Variants in GPHN observed in about 807,000 individuals in gnomAD.
GPHN encodes the protein gephyrin.
Under a neutral mutation model 95.5 loss-of-function variants are expected in GPHN, and 17 were observed. The ratio of observed to expected loss-of-function variants is 0.18; its 90% CI spans 0.12 to 0.27. GPHN has a LOEUF of 0.27. Ranked by LOEUF, GPHN falls within the 10% of genes least tolerant of loss-of-function variation. The pLI, the probability that GPHN is intolerant of heterozygous loss-of-function variation, is 1.00. For missense variants in GPHN, 660 were observed against 978.1 expected (o/e 0.67, Z 4.34); for synonymous variants, 320 against 322.5 (o/e 0.99, Z 0.08).
At chr14:66,593,743 C>A (rs1314090800) in intron 1 of GPHN, among the ~76,000 whole-genome samples, 1 of 152,122 alleles carries the variant, frequency 6.6e-6, no homozygotes, top group Non-Finnish European at 1.5e-5. Context: ...AAGTTGAAGG[C>A]CTTTTTCCTA....
chr14:66,998,584 C>G (rs1215015914), intron 9 of GPHN, among the ~76,000 whole-genome samples: 2 of 152,028 alleles, frequency 1.3e-5, no homozygotes, highest in African/African-American at 4.8e-5. Flanking sequence ...TATTTTATAG[C>G]ATCACTATGG....
At chr14:67,038,153 A>G (rs1486458500) in intron 10 of GPHN, among the ~76,000 whole-genome samples, 2 of 152,156 alleles carry the variant, frequency 1.3e-5, no homozygotes, top group East Asian at 1.9e-4. Context: ...GTCATATGCT[A>G]CAACATGGAT....
intron 3 of GPHN, among the ~76,000 whole-genome samples, chr14:66,784,635 C>T (rs2059710419): frequency 6.6e-6 from 1 of 152,070 alleles, no homozygotes; most frequent in Non-Finnish European, 1.5e-5. Context: ...CTGTATTTCA[C>T]TTGGAATGAT....
intron 1 of GPHN, among the ~76,000 whole-genome samples, chr14:66,573,603 C>G (rs1025160905): frequency 1.3e-5 from 2 of 152,018 alleles, no homozygotes; most frequent in Non-Finnish European, 2.9e-5. Context: ...CAGGCAGGCG[C>G]CTGCCACCAC....
At chr14:67,276,788 G>C in the GPHN span, among the ~76,000 whole-genome samples, 1 of 152,154 alleles carries the variant, frequency 6.6e-6, no homozygotes, top group Non-Finnish European at 1.5e-5. Context: ...AAGTATGATA[G>C]TAAATAGTAC....
At chr14:66,880,690 G>T (rs937443017) in intron 5 of GPHN, among the ~76,000 whole-genome samples, 1 of 151,274 alleles carries the variant, frequency 6.6e-6, no homozygotes, top group Admixed American at 6.6e-5. Context: ...TTGGCAACTG[G>T]GTATATTTTA....
the GPHN span, among the ~76,000 whole-genome samples, chr14:67,212,239 A>G: frequency 6.6e-6 from 1 of 152,142 alleles, no homozygotes; most frequent in African/African-American, 2.4e-5. Flanking sequence ...CATTATTGTC[A>G]CTAATAATTC....
chr14:66,664,090 G>C (rs988655641), intron 1 of GPHN, among the ~76,000 whole-genome samples: 1 of 152,100 alleles, frequency 6.6e-6, no homozygotes, highest in African/African-American at 2.4e-5. Flanking sequence ...AATTAACAAA[G>C]ATATTCAGGA....
intron 8 of GPHN, among the ~76,000 whole-genome samples, chr14:66,962,769 TTTC>T (rs1286086946): frequency 5.9e-5 from 9 of 151,988 alleles, no homozygotes; most frequent in Non-Finnish European, 1.5e-5. Context: ...ATCTTGCAAC[TTTC>T]TTCTTTTTTC....
At chr14:67,722,635 T>G in the GPHN span, 1 of 1,613,408 alleles carries the variant, frequency 6.2e-7, no homozygotes, top group Non-Finnish European at 8.5e-7. Flanking sequence ...GCTACAGAAG[T>G]TGGAACGATG....
intron 2 of GPHN, among the ~76,000 whole-genome samples, chr14:66,699,375 GAA>G (rs1189704616): frequency 2.0e-5 from 3 of 151,418 alleles, no homozygotes; most frequent in African/African-American, 4.8e-5. Context: ...ATAAATAAAA[GAA>G]AATAATTTAA....
At position 67,129,754 on chromosome 14, in the gene GPHN, A is replaced by T. The variant is rs549631182; in HGVS notation, c.1748+7377A>T. Among the ~76,000 whole-genome samples the T allele has an allele frequency of 3.4e-4, 48 of 140,598 alleles. No homozygotes were observed. In the South Asian group the frequency reaches 9.5e-3, roughly 28 times the overall value. The allele number at this position is 140,598 out of a possible 152,430, so 92.2% of individuals were successfully genotyped here. ...AGATGATAGGTTGGCAGCATCATTG[A>T]CTAGAAAGAAAGAAAGAAAGAGAGA... On this transcript the variant is annotated intron_variant, in intron 17 of 22. Coordinates refer to ENST00000478722, the MANE Select transcript of GPHN (RefSeq NM_020806.5).
At chr14:67,179,781 T>C in intron 22 of GPHN, 107 bp downstream of exon 22, 1 of 724,712 alleles carries the variant, frequency 1.4e-6, no homozygotes, top group Non-Finnish European at 2.5e-6. Context: ...ATTATACATT[T>C]TTCTTTTTGA....
intron 1 of GPHN, among the ~76,000 whole-genome samples, chr14:66,608,303 C>T (rs186403220): frequency 6.3e-4 from 95 of 151,916 alleles, no homozygotes; most frequent in African/African-American, 2.0e-3. Flanking sequence ...TTTGAGAGAT[C>T]TTCTTGGTGT....
chr14:66,580,981 T>A (rs930636155), intron 1 of GPHN, among the ~76,000 whole-genome samples: 7 of 151,884 alleles, frequency 4.6e-5, no homozygotes, highest in African/African-American at 1.4e-4. Context: ...GATTTATTCC[T>A]GGGATGCATT....
chr14:67,567,765 AC>A, the GPHN span, among the ~76,000 whole-genome samples: 1 of 151,812 alleles, frequency 6.6e-6, no homozygotes, highest in African/African-American at 2.4e-5. Flanking sequence ...AGCCCATCTG[AC>A]CCCACCAGGT....
At chr14:67,320,301 C>A in the GPHN span, 1 of 1,613,742 alleles carries the variant, frequency 6.2e-7, no homozygotes, top group Non-Finnish European at 8.5e-7. Flanking sequence ...TAGGAAGAGA[C>A]CTATCATCTT....
intron 5 of GPHN, among the ~76,000 whole-genome samples, chr14:66,912,501 C>A (rs528268972): frequency 6.6e-6 from 1 of 152,210 alleles, no homozygotes; most frequent in African/African-American, 2.4e-5. Context: ...ATGTAACATG[C>A]TGAATCAGAT....
chr14:67,611,330 G>A, the GPHN span: 3 of 151,188 alleles, frequency 2.0e-5, no homozygotes, highest in South Asian at 2.1e-4. Flanking sequence ...GTGCCATCTC[G>A]GCTTACTGCA....
Sources: allele counts gnomAD v4.1 joint callset (sites outside exome capture counted in the v4.1 genomes callset), GRCh38; gene constraint gnomAD v4.1.1; transcripts MANE v1.5; gene names NCBI Gene and HGNC (gene_info 2026-07-23, HGNC 2026-07-21).